SHISA9: variants seen among roughly 807,000 people sequenced by gnomAD.
SHISA9 encodes shisa family member 9.
A neutral mutation model predicts 38.0 loss-of-function variants in SHISA9; 13 were observed. That is an observed-to-expected ratio of 0.34 (90% CI 0.22 to 0.54). The LOEUF (loss-of-function observed/expected upper bound fraction) is 0.54. Ranked by LOEUF, SHISA9 falls within the 20% of genes least tolerant of loss-of-function variation. The pLI is 0.91. For missense variants in SHISA9, 538 were observed against 575.8 expected (o/e 0.93, Z 0.67); for synonymous variants, 275 against 242.0 (o/e 1.14, Z -1.27).
the SHISA9 span, among the ~76,000 whole-genome samples, chr16:13,456,083 AC>A: frequency 1.6e-4 from 25 of 152,194 alleles, no homozygotes; most frequent in Non-Finnish European, 3.2e-4. Context: ...CATACACTAA[AC>A]AAAATCATTT....
At chr16:13,501,651 A>T in the SHISA9 span, among the ~76,000 whole-genome samples, 1 of 152,166 alleles carries the variant, frequency 6.6e-6, no homozygotes, top group Non-Finnish European at 1.5e-5. Flanking sequence ...TGCTTTATTT[A>T]CTATTGTATG....
chr16:13,451,746 A>G, the SHISA9 span, among the ~76,000 whole-genome samples: 1 of 152,236 alleles, frequency 6.6e-6, no homozygotes, highest in African/African-American at 2.4e-5. Context: ...TGAGGAATGT[A>G]GAGACATAGG....
At chr16:13,084,051 A>G (rs996742640) in intron 2 of SHISA9, among the ~76,000 whole-genome samples, 32 of 152,148 alleles carry the variant, frequency 2.1e-4, no homozygotes, top group Non-Finnish European at 4.4e-4. Flanking sequence ...TGAGGAGGCA[A>G]ATTTCTTGCC....
chr16:13,014,044 T>C (rs1464662069), intron 2 of SHISA9, among the ~76,000 whole-genome samples: 1 of 152,176 alleles, frequency 6.6e-6, no homozygotes, highest in African/African-American at 2.4e-5. Context: ...ATAATACCTT[T>C]AAAGCCCTTG....
At chr16:13,378,954 A>G in the SHISA9 span, among the ~76,000 whole-genome samples, 1 of 152,222 alleles carries the variant, frequency 6.6e-6, no homozygotes, top group Non-Finnish European at 1.5e-5. Flanking sequence ...AATACACAGT[A>G]AGTAACCAAC....
At chr16:13,113,814 G>T (rs1411769213) in intron 2 of SHISA9, among the ~76,000 whole-genome samples, 1 of 152,152 alleles carries the variant, frequency 6.6e-6, no homozygotes, top group Admixed American at 6.5e-5. Context: ...CTGTATCTCA[G>T]GGACAAAAAG....
At chr16:13,179,070 C>T (rs1201040329) in intron 2 of SHISA9, among the ~76,000 whole-genome samples, 1 of 152,130 alleles carries the variant, frequency 6.6e-6, no homozygotes, top group African/African-American at 2.4e-5. Context: ...CCTGTAATCC[C>T]AGCATTTTGG....
At chr16:13,495,223 A>C in the SHISA9 span, among the ~76,000 whole-genome samples, 12 of 152,296 alleles carry the variant, frequency 7.9e-5, no homozygotes, top group Middle Eastern at 3.4e-3. Context: ...TAATACATGC[A>C]TGTAAAAATT....
At chr16:13,192,164 G>A (rs2050891451) in intron 2 of SHISA9, among the ~76,000 whole-genome samples, 1 of 152,062 alleles carries the variant, frequency 6.6e-6, no homozygotes, top group Non-Finnish European at 1.5e-5. Flanking sequence ...ATGGATGGGA[G>A]CTAAACAGTA....
At chr16:13,414,780 C>T in the SHISA9 span, among the ~76,000 whole-genome samples, 44 of 151,542 alleles carry the variant, frequency 2.9e-4, no homozygotes, top group Admixed American at 2.4e-3. Flanking sequence ...TACAGGTTTG[C>T]GCCACCACGT....
intron 2 of SHISA9, among the ~76,000 whole-genome samples, chr16:13,167,844 A>G (rs1047953018): frequency 6.6e-5 from 10 of 152,146 alleles, no homozygotes; most frequent in African/African-American, 2.2e-4. Context: ...AGTCTCAGGT[A>G]TTTCTTTATA....
At chr16:13,359,623 C>G in the SHISA9 span, among the ~76,000 whole-genome samples, 2 of 152,162 alleles carry the variant, frequency 1.3e-5, no homozygotes, top group Non-Finnish European at 2.9e-5. Context: ...TATCACCATA[C>G]TTTTACCTCT....
the SHISA9 span, among the ~76,000 whole-genome samples, chr16:13,469,421 GAAAA>G: frequency 2.5e-5 from 3 of 120,524 alleles, no homozygotes; most frequent in East Asian, 2.5e-4. Context: ...AAGAAAGAAA[GAAAA>G]AGAAAGAAAG....
chr16:12,965,660 G>A (rs550588541), intron 2 of SHISA9, among the ~76,000 whole-genome samples: 10 of 152,280 alleles, frequency 6.6e-5, no homozygotes, highest in Admixed American at 3.9e-4. Context: ...TGCAGGGTCT[G>A]GGGTTTACTC....
the SHISA9 span, among the ~76,000 whole-genome samples, chr16:13,330,900 G>A: frequency 6.6e-6 from 1 of 152,158 alleles, no homozygotes; most frequent in Admixed American, 6.5e-5. Context: ...TCACTGTACA[G>A]GTGTACAGTG....
intron 2 of SHISA9, among the ~76,000 whole-genome samples, chr16:13,081,030 A>G (rs2073642655): frequency 6.6e-6 from 1 of 152,168 alleles, no homozygotes; most frequent in Admixed American, 6.5e-5. Flanking sequence ...TTACCTCCCC[A>G]AAGCACCACC....
At chr16:13,371,096 G>A in the SHISA9 span, among the ~76,000 whole-genome samples, 2 of 152,128 alleles carry the variant, frequency 1.3e-5, no homozygotes, top group Non-Finnish European at 2.9e-5. Context: ...ACAATCCTAC[G>A]TGGTAGATTT....
the SHISA9 span, among the ~76,000 whole-genome samples, chr16:13,295,487 G>T: frequency 1.1e-4 from 16 of 152,116 alleles, no homozygotes; most frequent in Non-Finnish European, 1.8e-4. Context: ...CCTGGCATCG[G>T]CCCAGGGTAT....
At chr16:13,022,172 G>T (rs142510890) in intron 2 of SHISA9, among the ~76,000 whole-genome samples, 83 of 152,046 alleles carry the variant, frequency 5.5e-4, no homozygotes, top group African/African-American at 2.0e-3. Context: ...ATTTTTTCAA[G>T]TCAGAGTGTT....
Sources: gnomAD v4.1 joint callset for allele counts (sites outside exome capture counted in the v4.1 genomes callset) on GRCh38, gnomAD v4.1.1 for gene constraint, MANE v1.5 for transcripts, NCBI Gene and HGNC (gene_info 2026-07-23, HGNC 2026-07-21) for gene names.